The following CALN1 variants were observed in gnomAD, a reference collection of about 807,000 sequenced individuals.
CALN1 encodes the protein calcium-binding protein 8.
Under a neutral mutation model 30.6 loss-of-function variants are expected in CALN1, and 17 were observed. That is an observed-to-expected ratio of 0.56 (90% CI 0.38 to 0.83). The LOEUF is 0.83. CALN1 is among the 40% of genes least tolerant of loss of function. CALN1 has a pLI of 0.00. For missense variants in CALN1, 291 were observed against 354.9 expected, an observed-to-expected ratio of 0.82 and a Z score of 1.45; for synonymous variants, 156 against 131.4, an observed-to-expected ratio of 1.19 and a Z score of -1.28.
At chr7:71,869,990 C>A (rs1008864560) in intron 5 of CALN1, among the ~76,000 whole-genome samples, 11 of 152,090 alleles carry the variant, frequency 7.2e-5, no homozygotes, top group Non-Finnish European at 1.2e-4. Context: ...ATTAGCACAT[C>A]GCAGGAAATC....
chr7:71,839,545 G>A (rs1265909481), intron 5 of CALN1, among the ~76,000 whole-genome samples: 1 of 152,136 alleles, frequency 6.6e-6, no homozygotes, highest in Non-Finnish European at 1.5e-5. Flanking sequence ...CACTTTTCTG[G>A]TTATCACTGC....
At chr7:72,466,820 A>C in the CALN1 span, among the ~76,000 whole-genome samples, 1 of 149,696 alleles carries the variant, frequency 6.7e-6, no homozygotes, top group Non-Finnish European at 1.5e-5. Flanking sequence ...GAAGAAAGAA[A>C]AAGAAAGAAA....
At chr7:72,177,050 T>C (rs552206828) in intron 3 of CALN1, among the ~76,000 whole-genome samples, 1 of 152,290 alleles carries the variant, frequency 6.6e-6, no homozygotes, top group East Asian at 1.9e-4. Context: ...ATCTAACTCA[T>C]AGCCTTCGTC....
chr7:72,179,874 G>A (rs1394993946), intron 3 of CALN1, among the ~76,000 whole-genome samples: 4 of 152,098 alleles, frequency 2.6e-5, no homozygotes, highest in African/African-American at 9.6e-5. Flanking sequence ...ATTAACAAAG[G>A]ACATATACTG....
At chr7:72,433,816 G>A (rs1420437942) in intron 1 of CALN1, among the ~76,000 whole-genome samples, 5 of 152,122 alleles carry the variant, frequency 3.3e-5, no homozygotes, top group African/African-American at 4.8e-5. Flanking sequence ...TGCAATCCCA[G>A]AGCTTTGGGA....
intron 3 of CALN1, among the ~76,000 whole-genome samples, chr7:72,242,302 T>A (rs1295608071): frequency 1.3e-5 from 2 of 152,290 alleles, no homozygotes; most frequent in Middle Eastern, 6.8e-3. Flanking sequence ...GCTATGAACA[T>A]AGATGTGCAC....
chr7:72,118,912 C>T (rs1808186138), intron 3 of CALN1, among the ~76,000 whole-genome samples: 1 of 152,022 alleles, frequency 6.6e-6, no homozygotes, highest in East Asian at 1.9e-4. Flanking sequence ...AACTGCTCCT[C>T]CAAAAAAGCA....
At chr7:71,807,798 G>A (rs1033974642) in intron 6 of CALN1, among the ~76,000 whole-genome samples, 9 of 152,156 alleles carry the variant, frequency 5.9e-5, no homozygotes, top group Non-Finnish European at 8.8e-5. Context: ...AAATTAGGCC[G>A]AGTGTGATGG....
chr7:72,328,735 G>A (rs977833457), intron 2 of CALN1, among the ~76,000 whole-genome samples: 2 of 152,188 alleles, frequency 1.3e-5, no homozygotes, highest in Admixed American at 6.5e-5. Flanking sequence ...TCGCTCTGTT[G>A]CCCAGGCTGG....
chr7:72,199,405 C>T (rs904133545), intron 3 of CALN1, among the ~76,000 whole-genome samples: 1 of 152,122 alleles, frequency 6.6e-6, no homozygotes, highest in African/African-American at 2.4e-5. Flanking sequence ...GGTCAAACAG[C>T]CTAAATCTAG....
In CALN1 at chr7:72,410,748, A is replaced by G. The variant is rs955058293; in HGVS notation, c.-74+1310T>C. 3.9e-5 allele frequency among the ~76,000 whole-genome samples: 6 copies of G among 152,222 alleles called. No homozygotes were observed. The East Asian group carries it at 5.8e-4, about 15-fold the overall frequency. On this transcript the variant is annotated intron_variant, in intron 1 of 6. Coordinates refer to ENST00000395275, the MANE Select transcript of CALN1 (RefSeq NM_031468.4). ...ATCAGAGTAAAATAGGGAACTATAT[A>G]TATTTCCTGAACATAAATACACACA...
intron 3 of CALN1, among the ~76,000 whole-genome samples, chr7:72,215,873 C>T (rs1011357251): frequency 3.9e-5 from 6 of 152,088 alleles, no homozygotes; most frequent in African/African-American, 7.2e-5. Flanking sequence ...GACTTGGTCC[C>T]GGCCACTTCT....
At chr7:72,295,820 T>C (rs1327959119) in intron 2 of CALN1, among the ~76,000 whole-genome samples, 1 of 151,798 alleles carries the variant, frequency 6.6e-6, no homozygotes, top group Non-Finnish European at 1.5e-5. Context: ...GAGGGACAAT[T>C]TGACTTCCTC....
At position 72,393,565 on chromosome 7, in the gene CALN1, G is replaced by A. The variant is rs147538766; in HGVS notation, c.119+9686C>T. On this transcript the variant is annotated intron_variant, in intron 2 of 6. Coordinates refer to ENST00000395275, the MANE Select transcript of CALN1 (RefSeq NM_031468.4). ...AAACTACCTGTCATAAAGCAAGGAG[G>A]ACACTGCATGAACATGTACTCTGTT... 8.4e-3 allele frequency among the ~76,000 whole-genome samples: 1,276 copies of A among 152,222 alleles called. 9 individuals carry two copies. Among genetic ancestry groups the A allele is most frequent in the Middle Eastern group, 0.014 (4 of 294 alleles).
intron 5 of CALN1, among the ~76,000 whole-genome samples, chr7:71,850,800 G>T (rs1164620865): frequency 6.6e-6 from 1 of 152,174 alleles, no homozygotes; most frequent in East Asian, 1.9e-4. Context: ...TAAAATCTAT[G>T]TTATGAATTT....
intron 5 of CALN1, among the ~76,000 whole-genome samples, chr7:71,963,860 T>C (rs1284798161): frequency 6.6e-6 from 1 of 152,130 alleles, no homozygotes; most frequent in African/African-American, 2.4e-5. Flanking sequence ...GGCACAAAAA[T>C]TAAGTAACTC....
chr7:72,373,730 G>A (rs745826302), intron 2 of CALN1, among the ~76,000 whole-genome samples: 3 of 152,194 alleles, frequency 2.0e-5, no homozygotes, highest in Admixed American at 6.5e-5. Context: ...TCCATCATAA[G>A]TCAAGAAGCG....
At chr7:71,984,851 G>T (rs1562956301) in intron 5 of CALN1, among the ~76,000 whole-genome samples, 1 of 152,196 alleles carries the variant, frequency 6.6e-6, no homozygotes, top group Non-Finnish European at 1.5e-5. Context: ...CCATGGAGTT[G>T]CAGATTCACG....
intron 2 of CALN1, among the ~76,000 whole-genome samples, chr7:72,335,617 G>A (rs1057059256): frequency 6.6e-6 from 1 of 152,218 alleles, no homozygotes; most frequent in African/African-American, 2.4e-5. Flanking sequence ...CAGGGCCTGG[G>A]GATGGCTGGC....
Sources: allele counts gnomAD v4.1 joint callset (sites outside exome capture counted in the v4.1 genomes callset), GRCh38; gene constraint gnomAD v4.1.1; transcripts MANE v1.5; gene names NCBI Gene and HGNC (gene_info 2026-07-23, HGNC 2026-07-21).